Variants in EPB41L1 observed in about 807,000 individuals in gnomAD.
EPB41L1 encodes the protein band 4.1-like protein 1.
Under a neutral mutation model 97.8 loss-of-function variants are expected in EPB41L1, and 29 were observed. The observed-to-expected ratio is 0.30, with a 90% CI of 0.22 to 0.40. The LOEUF (loss-of-function observed/expected upper bound fraction) is 0.40. EPB41L1 is among the 10% of genes least tolerant of loss of function. EPB41L1 has a pLI of 1.00. For missense variants in EPB41L1, 812 were observed against 1,162.3 expected (o/e 0.70, Z 4.38); for synonymous variants, 383 against 459.2 (o/e 0.83, Z 2.12).
At chr20:36,144,280 G>A (rs1477198486) in intron 2 of EPB41L1, among the ~76,000 whole-genome samples, 1 of 152,160 alleles carries the variant, frequency 6.6e-6, no homozygotes, top group East Asian at 1.9e-4. Context: ...TTGATGCCCA[G>A]CCCAGCGCCC....
chr20:36,176,788 C>T (rs2061254773), intron 3 of EPB41L1, among the ~76,000 whole-genome samples: 1 of 151,890 alleles, frequency 6.6e-6, no homozygotes, highest in South Asian at 2.1e-4. Flanking sequence ...CCCGCCACCA[C>T]ACCCGGCTAA....
chr20:36,182,290 C>A lies in EPB41L1; in HGVS notation c.509C>A (p.Ala170Asp). The A allele has an allele frequency of 6.2e-7, 1 of 1,614,044 alleles. No homozygotes were observed. The highest frequency in any genetic ancestry group is 1.1e-5 in the South Asian group (1 of 91,074). ...CTCTCAGGTAGCCCCTGGAATTTTG[C>A]CTTCACAGTCAAGTTCTACCCGCCT... ...KQIRSSPWNF[A>D]FTVKFYPPDP... Residue 170 changes from alanine (A) to aspartate (D), a missense_variant, in exon 6 of 22, where the codon GCC (alanine) becomes GAC (aspartate). Ala to Asp is a moderately radical substitution (Grantham distance 126). Coordinates refer to ENST00000338074, the MANE Select transcript of EPB41L1 (RefSeq NM_012156.2).
chr20:36,161,614 T>TA (rs1049489338), intron 1 of EPB41L1, among the ~76,000 whole-genome samples: 9 of 151,974 alleles, frequency 5.9e-5, no homozygotes, highest in Non-Finnish European at 8.8e-5. Context: ...TAGCTGGGAT[T>TA]ACAGGCACGT....
intron 6 of EPB41L1, 82 bp downstream of exon 6, chr20:36,182,429 G>A (rs1001711934): frequency 8.8e-6 from 13 of 1,469,440 alleles, no homozygotes; most frequent in Middle Eastern, 1.7e-4. Context: ...GACACAGGCA[G>A]TATGTGACAG....
At chr20:36,215,834 A>T (rs1257609297) in intron 17 of EPB41L1, among the ~76,000 whole-genome samples, 2 of 152,212 alleles carry the variant, frequency 1.3e-5, no homozygotes, top group South Asian at 2.1e-4. Context: ...AATGACCATC[A>T]TGAGCACCTT....
chr20:36,182,773 C>T (rs529826948), intron 6 of EPB41L1, among the ~76,000 whole-genome samples: 2 of 152,336 alleles, frequency 1.3e-5, no homozygotes, highest in East Asian at 3.9e-4. Context: ...CATGGGCCAT[C>T]TCTGGGTGGG....
intron 16 of EPB41L1, among the ~76,000 whole-genome samples, chr20:36,213,132 T>C (rs2063227783): frequency 6.6e-6 from 1 of 152,170 alleles, no homozygotes; most frequent in Non-Finnish European, 1.5e-5. Context: ...GCACAGTGGC[T>C]CACATCTGTA....
intron 2 of EPB41L1, among the ~76,000 whole-genome samples, chr20:36,133,468 G>T (rs1363742327): frequency 6.6e-6 from 1 of 152,200 alleles, no homozygotes; most frequent in Non-Finnish European, 1.5e-5. Context: ...AACACTCCAT[G>T]ATTCCATGAG....
intron 1 of EPB41L1, among the ~76,000 whole-genome samples, chr20:36,155,928 A>T (rs2060281143): frequency 6.9e-6 from 1 of 144,448 alleles, no homozygotes; most frequent in Non-Finnish European, 1.5e-5. Flanking sequence ...CCTCAGCATT[A>T]GGAGCCTTCC....
intron 2 of EPB41L1, among the ~76,000 whole-genome samples, chr20:36,114,933 C>T (rs1031411509): frequency 1.8e-4 from 28 of 152,058 alleles, no homozygotes; most frequent in African/African-American, 6.3e-4. Context: ...TGGCAGACCA[C>T]GAGAACATGC....
At chr20:36,148,674 A>C (rs1359577143) in intron 2 of EPB41L1, 1 of 152,258 alleles carries the variant, frequency 6.6e-6, no homozygotes, top group Non-Finnish European at 1.5e-5. Flanking sequence ...CATTGTTTTT[A>C]GCCAAAGATG....
chr20:36,093,190 C>A lies in EPB41L1; in HGVS notation c.-65+1578C>A, dbSNP rs1024448959. Among the ~76,000 whole-genome samples the A allele has an allele frequency of 6.6e-6, 1 of 150,698 alleles. No individual in the cohort carries two copies. Among genetic ancestry groups the A allele is most frequent in the African/African-American group, 2.5e-5 (1 of 40,800 alleles). On this transcript the variant is annotated intron_variant, in intron 1 of 19. Coordinates refer to the EPB41L1 transcript ENST00000202028. This position sits in a 1 kb window ranked among gnomAD's most constrained non-coding sequence, Gnocchi z 5.4. ...GTGCGTGCGTATCTGGGTGAGGGTG[C>A]GTGTGTCTGCGTGTGTCTGTCGGTG...
intron 21 of EPB41L1, among the ~76,000 whole-genome samples, chr20:36,225,617 C>A (rs529439086): frequency 1.3e-5 from 2 of 152,334 alleles, no homozygotes; most frequent in South Asian, 4.1e-4. Context: ...GACTCGGTTT[C>A]CTCACTTGCA....
At chr20:36,108,578 G>A (rs1227753167) in intron 1 of EPB41L1, among the ~76,000 whole-genome samples, 1 of 152,028 alleles carries the variant, frequency 6.6e-6, no homozygotes, top group Non-Finnish European at 1.5e-5. Flanking sequence ...GGAAGCTGAG[G>A]CATGAGAATT....
intron 21 of EPB41L1, among the ~76,000 whole-genome samples, chr20:36,224,283 A>G (rs564184137): frequency 6.6e-6 from 1 of 152,300 alleles, no homozygotes; most frequent in African/African-American, 2.4e-5. Context: ...AATAATCTCA[A>G]TAATTTTTAC....
intron 2 of EPB41L1, among the ~76,000 whole-genome samples, chr20:36,133,526 C>T (rs888073159): frequency 6.6e-6 from 1 of 152,166 alleles, no homozygotes; most frequent in Non-Finnish European, 1.5e-5. Context: ...CTTCTTGCTA[C>T]CTGCTGAAAA....
chr20:36,221,074 C>G (rs907341319), intron 19 of EPB41L1, among the ~76,000 whole-genome samples: 1 of 152,204 alleles, frequency 6.6e-6, no homozygotes, highest in African/African-American at 2.4e-5. Flanking sequence ...CATCCCACGC[C>G]CACAGCAGAC....
chr20:36,182,489 C>T lies in EPB41L1; in HGVS notation c.566+142C>T, dbSNP rs564741951. On this transcript the variant is annotated intron_variant, in intron 6 of 21. Transcript: ENST00000338074. ...GAGGTCAGGCAGACAGCATCGTACA[C>T]AGGAAGCCGACTCATTGTAAGAAAC... is the stretch of plus-strand genomic sequence containing the variant. 5.2e-5 allele frequency: 45 copies of T among 862,254 alleles called. No individual in the cohort carries two copies. In the African/African-American group the frequency reaches 7.3e-4, roughly 14 times the overall value. 53.4% of individuals were successfully genotyped at this position (862,254 alleles called of 1,614,324 possible). A position where few individuals can be genotyped will look rare whatever the true frequency, so the allele number is the denominator to read the frequency against.
At chr20:36,181,189 G>A (rs2061457946) in intron 5 of EPB41L1, among the ~76,000 whole-genome samples, 1 of 152,128 alleles carries the variant, frequency 6.6e-6, no homozygotes, top group East Asian at 1.9e-4. Flanking sequence ...GCCATGGATG[G>A]GCCTCGCTTT....
Sources: allele counts gnomAD v4.1 joint callset (sites outside exome capture counted in the v4.1 genomes callset), GRCh38; gene constraint gnomAD v4.1.1; non-coding constraint Gnocchi (gnomAD v3.1); transcripts MANE v1.5; gene names NCBI Gene and HGNC (gene_info 2026-07-23, HGNC 2026-07-21).